HK2: variants seen among roughly 807,000 people sequenced by gnomAD.
HK2 encodes the protein hexokinase-2.
Under a neutral mutation model 92.9 loss-of-function variants are expected in HK2, and 42 were observed. The ratio of observed to expected loss-of-function variants is 0.45; its 90% CI spans 0.35 to 0.58. The LOEUF (loss-of-function observed/expected upper bound fraction) is 0.58, where lower values mean the gene tolerates loss of function less well. HK2 is among the 20% of genes least tolerant of loss of function. The pLI, the probability that HK2 is intolerant of heterozygous loss-of-function variation, is 0.00. For missense variants in HK2, 978 were observed against 1,245.1 expected (o/e 0.79, Z 3.23); for synonymous variants, 422 against 468.0 (o/e 0.90, Z 1.27).
Position 74,888,041 on chromosome 2 carries a change from C to G in HK2, c.2358C>G (p.Phe786Leu), listed in dbSNP as rs1237911994. Residue 786 changes from phenylalanine (F) to leucine (L), a missense_variant, in exon 16 of 18, where the codon TTC becomes TTG. Phe to Leu is a conservative substitution (Grantham distance 22, BLOSUM62 0). Transcript: ENST00000290573. ...CAAGGGGCATCTTTGAAACCAAGTTCTTGTCTCAGATTGAGAGGTGAGAGC... is the reference window on the plus strand; with the variant it reads ...CAAGGGGCATCTTTGAAACCAAGTTGTTGTCTCAGATTGAGAGGTGAGAGC... ...LKTRGIFETK[F>L]LSQIESDCLA... is the part of the protein sequence containing the mutation. 1.9e-6 allele frequency: 3 copies of G among 1,614,066 alleles called. No homozygotes were observed. Among genetic ancestry groups the G allele is most frequent in the Non-Finnish European group, 2.5e-6 (3 of 1,180,044 alleles).
chr2:74,843,092 C>T (rs971403092), intron 1 of HK2, among the ~76,000 whole-genome samples: 2 of 152,146 alleles, frequency 1.3e-5, no homozygotes, highest in Non-Finnish European at 2.9e-5. Flanking sequence ...ATTTGCAGTG[C>T]CCTGTGCTGA....
At chr2:74,861,499 C>G (rs1688825611) in intron 2 of HK2, among the ~76,000 whole-genome samples, 2 of 151,870 alleles carry the variant, frequency 1.3e-5, no homozygotes, top group Non-Finnish European at 2.9e-5. Context: ...TTACATAAAT[C>G]TGTTTTACTC....
At chr2:74,890,657 C>A in intron 17 of HK2, 140 bp from the exon 18 acceptor site, 1 of 1,001,554 alleles carries the variant, frequency 1.0e-6, no homozygotes. Context: ...ATGTTTAATA[C>A]ATTATAGCTG....
intron 10 of HK2, 95 bp downstream of exon 10, chr2:74,880,664 T>G: frequency 1.1e-5 from 14 of 1,273,586 alleles, no homozygotes; most frequent in Non-Finnish European, 1.3e-5. Flanking sequence ...ATTGGACATT[T>G]GAACCAGAAC....
chr2:74,837,132 C>T (rs906128327), intron 1 of HK2, among the ~76,000 whole-genome samples: 2 of 152,226 alleles, frequency 1.3e-5, no homozygotes, highest in Admixed American at 6.5e-5. Flanking sequence ...ACATTCAAAT[C>T]AGCCCCATGA....
intron 3 of HK2, among the ~76,000 whole-genome samples, chr2:74,871,897 C>T (rs1050533162): frequency 5.3e-5 from 8 of 152,286 alleles, no homozygotes; most frequent in Middle Eastern, 3.4e-3. Flanking sequence ...TTGGTATGAT[C>T]GTCAACTGGG....
At chr2:74,872,043 G>T (rs1689110599) in intron 3 of HK2, among the ~76,000 whole-genome samples, 1 of 152,200 alleles carries the variant, frequency 6.6e-6, no homozygotes, top group Admixed American at 6.5e-5. Flanking sequence ...TAGAAAAATG[G>T]CTTAAGTAGA....
intron 8 of HK2, among the ~76,000 whole-genome samples, chr2:74,878,452 C>T (rs139550764): frequency 4.0e-5 from 6 of 150,964 alleles, no homozygotes; most frequent in African/African-American, 1.2e-4. Context: ...CACGCACATG[C>T]GTGTGCGTGT....
intron 12 of HK2, among the ~76,000 whole-genome samples, chr2:74,884,432 C>T (rs1160353829): frequency 2.0e-5 from 3 of 152,216 alleles, no homozygotes; most frequent in Non-Finnish European, 4.4e-5. Context: ...GTAAGGATCA[C>T]CTGAAATTAT....
chr2:74,886,278 G>C lies in HK2; in HGVS notation c.1936-16G>C, dbSNP rs1185667718. The C allele has an allele frequency of 6.2e-7, 1 of 1,606,448 alleles. No homozygotes were observed. Among genetic ancestry groups the C allele is most frequent in the South Asian group, 1.1e-5 (1 of 90,946 alleles). ...GGGTTCACCTGTGAACTGGGCATCT[G>C]CTTCTTCCCTCTCAGGAGTTTGACC... On this transcript the variant is annotated splice_polypyrimidine_tract_variant and intron_variant, in intron 13 of 17. Coordinates refer to ENST00000290573, the MANE Select transcript of HK2 (RefSeq NM_000189.5).
chr2:74,843,388 C>T (rs907192987), intron 1 of HK2, among the ~76,000 whole-genome samples: 1 of 152,314 alleles, frequency 6.6e-6, no homozygotes, highest in Non-Finnish European at 1.5e-5. Context: ...GCCTTATCCA[C>T]GTCAGGAGTC....
chr2:74,866,534 A>T (rs2103932371), intron 2 of HK2, among the ~76,000 whole-genome samples: 1 of 152,284 alleles, frequency 6.6e-6, no homozygotes, highest in Non-Finnish European at 1.5e-5. Context: ...TCTGTGCCAC[A>T]CAATGGGGCC....
At chr2:74,882,046 T>C (rs2103994219) in intron 11 of HK2, 74 bp from the exon 12 acceptor site, 1 of 1,490,546 alleles carries the variant, frequency 6.7e-7, no homozygotes, top group Non-Finnish European at 9.4e-7. Context: ...ACATTGATGT[T>C]GTGCGCAGGC....
chr2:74,886,773 G>C, intron 15 of HK2, 100 bp downstream of exon 15: 1 of 1,238,806 alleles, frequency 8.1e-7, no homozygotes, highest in East Asian at 2.3e-5. Context: ...GCCGGTTCTC[G>C]TGAGATGTTA....
At chr2:74,874,006 G>A (rs1435193077) in intron 6 of HK2, 63 bp downstream of exon 6, 1 of 1,278,890 alleles carries the variant, frequency 7.8e-7, no homozygotes, top group Non-Finnish European at 1.1e-6. Flanking sequence ...GGGCTGGAAA[G>A]GGAGAAGGGG....
chr2:74,841,609 C>T (rs927542094), intron 1 of HK2, among the ~76,000 whole-genome samples: 5 of 152,116 alleles, frequency 3.3e-5, no homozygotes, highest in African/African-American at 4.8e-5. Flanking sequence ...CTACAAAAGA[C>T]GAACTTAAGA....
chr2:74,874,436 C>T lies in HK2; in HGVS notation c.862C>T (p.Pro288Ser), dbSNP rs531793433. 6.0e-5 allele frequency: 97 copies of T among 1,605,364 alleles called. No individual in the cohort carries two copies. In the Middle Eastern group the frequency reaches 8.3e-4, roughly 14 times the overall value. The change falls in exon 7 of 18, where the codon CCG (proline) becomes TCG (serine). Residue 288 changes from proline to serine, a missense_variant. Physicochemically the swap from Pro to Ser is moderately conservative, Grantham distance 74 (BLOSUM62 -1). Coordinates refer to ENST00000290573, the MANE Select transcript of HK2 (RefSeq NM_000189.5). ...DQEIDMGSLN[P>S]GKQLFEKMIS... The stretch of plus-strand genomic sequence containing the variant: ...GGAGATTGACATGGGCTCACTGAAC[C>T]CGGGAAAGCAACTGTGAGTAGGCCC...
chr2:74,857,056 T>A (rs942959820), intron 2 of HK2, among the ~76,000 whole-genome samples: 2 of 152,206 alleles, frequency 1.3e-5, no homozygotes, highest in Non-Finnish European at 2.9e-5. Flanking sequence ...AAGCTTGCAC[T>A]GTTTGCAGCA....
At chr2:74,879,213 C>T (rs950352626) in intron 9 of HK2, among the ~76,000 whole-genome samples, 22 of 152,090 alleles carry the variant, frequency 1.4e-4, no homozygotes, top group African/African-American at 5.1e-4. Context: ...TTGTTCCTGT[C>T]TTTACTCTTA....
Sources: gnomAD v4.1 joint callset for allele counts (sites outside exome capture counted in the v4.1 genomes callset) on GRCh38, gnomAD v4.1.1 for gene constraint, MANE v1.5 for transcripts, NCBI Gene and HGNC (gene_info 2026-07-23, HGNC 2026-07-21) for gene names.